Variants in CLEC6A observed in about 807,000 individuals in gnomAD.
The protein encoded by CLEC6A is C-type lectin domain family 6 member A.
Under a neutral mutation model 25.7 loss-of-function variants are expected in CLEC6A, and 22 were observed. The ratio of observed to expected loss-of-function variants is 0.85; its 90% CI spans 0.61 to 1.22. The LOEUF (loss-of-function observed/expected upper bound fraction) is 1.22, where lower values mean the gene tolerates loss of function less well. Among genes scored for constraint, CLEC6A ranks in the 50% most tolerant of loss-of-function variants. The pLI, the probability that CLEC6A is intolerant of heterozygous loss-of-function variation, is 0.00. For synonymous variants in CLEC6A, 92 were observed against 76.7 expected (o/e 1.20, Z -1.04); for missense variants, 240 against 236.8 (o/e 1.01, Z -0.09).
At chr12:8,458,977 C>T (rs763757974) in intron 2 of CLEC6A, among the ~76,000 whole-genome samples, 39 of 151,998 alleles carry the variant, frequency 2.6e-4, no homozygotes, top group Admixed American at 4.6e-4. Context: ...TTTTTATAAA[C>T]GTTTAAAGTT....
At chr12:8,461,384 G>A (rs1467918719) in intron 3 of CLEC6A, among the ~76,000 whole-genome samples, 1 of 152,180 alleles carries the variant, frequency 6.6e-6, no homozygotes, top group African/African-American at 2.4e-5. Flanking sequence ...GCATTTGAAT[G>A]AATATTTTCC....
chr12:8,462,956 C>G (rs1207480851), intron 3 of CLEC6A, among the ~76,000 whole-genome samples: 2 of 152,006 alleles, frequency 1.3e-5, no homozygotes, highest in Non-Finnish European at 2.9e-5. Context: ...ATTTCTGGAA[C>G]ATTGTAAATA....
intron 4 of CLEC6A, among the ~76,000 whole-genome samples, chr12:8,467,581 C>T (rs993458800): frequency 3.5e-4 from 54 of 152,240 alleles, no homozygotes; most frequent in African/African-American, 1.3e-3. Flanking sequence ...CACACTGCTT[C>T]GATTACTGTA....
intron 4 of CLEC6A, among the ~76,000 whole-genome samples, chr12:8,475,028 C>CCT: frequency 6.6e-6 from 1 of 152,058 alleles, no homozygotes; most frequent in African/African-American, 2.4e-5. Flanking sequence ...TGCTTTCCCT[C>CCT]CCCTAGCCCC....
intron 4 of CLEC6A, among the ~76,000 whole-genome samples, chr12:8,468,831 A>G (rs907550148): frequency 1.3e-5 from 2 of 152,204 alleles, no homozygotes; most frequent in African/African-American, 4.8e-5. Flanking sequence ...AGCCAACATT[A>G]TACTCAACAG....
chr12:8,461,847 G>T (rs890939096), intron 3 of CLEC6A, among the ~76,000 whole-genome samples: 1 of 152,112 alleles, frequency 6.6e-6, no homozygotes, highest in Non-Finnish European at 1.5e-5. Context: ...ACCTGCACTC[G>T]ACCTAGGCCA....
At chr12:8,464,422 T>C (rs4301856) in intron 3 of CLEC6A, among the ~76,000 whole-genome samples, 117,161 of 151,246 alleles carry the variant, frequency 0.77, 45,827 homozygotes, top group East Asian at 0.99. Context: ...CTCCGCCTCC[T>C]GGGTTCACGC....
intron 4 of CLEC6A, among the ~76,000 whole-genome samples, chr12:8,468,014 T>A (rs1396808436): frequency 6.6e-6 from 1 of 152,170 alleles, no homozygotes; most frequent in Non-Finnish European, 1.5e-5. Context: ...TGATCTTGGC[T>A]CACTGTGACC....
chr12:8,462,321 C>G (rs12227129), intron 3 of CLEC6A, among the ~76,000 whole-genome samples: 98,341 of 130,090 alleles, frequency 0.76, 37,713 homozygotes, highest in East Asian at 0.99. Flanking sequence ...GGAAGGGAAA[C>G]ACCTGACCGT....
chr12:8,460,479 CT>C (rs1178507518), intron 3 of CLEC6A: 1 of 598,972 alleles, frequency 1.7e-6, no homozygotes, highest in African/African-American at 1.9e-5. Context: ...CACAGGGTCC[CT>C]CTCACAGCAC....
chr12:8,461,787 G>A (rs1939758597), intron 3 of CLEC6A, among the ~76,000 whole-genome samples: 1 of 152,196 alleles, frequency 6.6e-6, no homozygotes, highest in Non-Finnish European at 1.5e-5. Context: ...GTTTTAGTCA[G>A]AGTGTGGAGA....
At chr12:8,475,736 T>A (rs1939965202) in intron 4 of CLEC6A, among the ~76,000 whole-genome samples, 1 of 152,024 alleles carries the variant, frequency 6.6e-6, no homozygotes, top group Non-Finnish European at 1.5e-5. Flanking sequence ...AATGCTAATC[T>A]CATCTGAAAA....
intron 1 of CLEC6A, 143 bp downstream of exon 1, chr12:8,456,285 T>G: frequency 1.3e-6 from 1 of 779,232 alleles, no homozygotes; most frequent in African/African-American, 1.7e-5. Context: ...AAAGAAAGAG[T>G]AATTCTTCAG....
At chr12:8,456,338 T>A (rs1939674688) in intron 1 of CLEC6A, among the ~76,000 whole-genome samples, 196 bp downstream of exon 1, 1 of 152,088 alleles carries the variant, frequency 6.6e-6, no homozygotes, top group Non-Finnish European at 1.5e-5. Context: ...AAGCAAATAT[T>A]TTTTGGGAGG....
intron 4 of CLEC6A, among the ~76,000 whole-genome samples, chr12:8,474,353 C>G (rs993698721): frequency 1.1e-4 from 16 of 152,124 alleles, no homozygotes; most frequent in African/African-American, 3.6e-4. Flanking sequence ...TTTCTATTGT[C>G]AACTTTGTCA....
intron 4 of CLEC6A, among the ~76,000 whole-genome samples, chr12:8,474,780 A>T (rs1281348047): frequency 6.6e-6 from 1 of 152,208 alleles, no homozygotes; most frequent in Non-Finnish European, 1.5e-5. Flanking sequence ...TTAATTGGAA[A>T]GATGAGAAGA....
intron 3 of CLEC6A, chr12:8,460,899 T>C: frequency 1.2e-6 from 1 of 865,986 alleles, no homozygotes; most frequent in Non-Finnish European, 2.0e-6. Context: ...AGCCAAAGTT[T>C]GCTCCAAACC....
chr12:8,473,470 T>A (rs1211835672), intron 4 of CLEC6A, among the ~76,000 whole-genome samples: 2 of 152,170 alleles, frequency 1.3e-5, no homozygotes, highest in Non-Finnish European at 2.9e-5. Flanking sequence ...CTTTATCCAA[T>A]TCACCATTGA....
In CLEC6A at chr12:8,472,649, T is replaced by G. The variant is rs888979402; in HGVS notation, c.370-3476T>G. Among the ~76,000 whole-genome samples the G allele has an allele frequency of 3.9e-5, 6 of 152,280 alleles. No homozygotes were observed. The East Asian group carries it at 1.2e-3, about 29-fold the overall frequency. ...ATTTTCTGAAGTTTACAAAGGCAAT[T>G]TGGTTCATATATTAAGTCAGTGTCT... On this transcript the variant is annotated intron_variant, in intron 4 of 5. Transcript: ENST00000382073.
Sources: gnomAD v4.1 joint callset for allele counts (sites outside exome capture counted in the v4.1 genomes callset) on GRCh38, gnomAD v4.1.1 for gene constraint, MANE v1.5 for transcripts, NCBI Gene and HGNC (gene_info 2026-07-23, HGNC 2026-07-21) for gene names.